The following ROBO1 variants were observed in gnomAD, a reference collection of about 807,000 sequenced individuals.
ROBO1 encodes the protein roundabout homolog 1.
A neutral mutation model predicts 195.9 loss-of-function variants in ROBO1; 149 were observed. The observed-to-expected ratio is 0.76, with a 90% CI of 0.67 to 0.87. ROBO1 has a LOEUF of 0.87. Ranked by LOEUF, ROBO1 falls within the 40% of genes least tolerant of loss-of-function variation. ROBO1 has a pLI of 0.00. For synonymous variants in ROBO1, 816 were observed against 733.2 expected (o/e 1.11, Z -1.82); for missense variants, 1,933 against 2,068.3 (o/e 0.93, Z 1.27).
At chr3:79,458,814 C>T (rs187725090) in intron 2 of ROBO1, among the ~76,000 whole-genome samples, 1 of 151,722 alleles carries the variant, frequency 6.6e-6, no homozygotes, top group Admixed American at 6.6e-5. Flanking sequence ...AGCATCAAAT[C>T]ACACAAATAA....
At chr3:79,199,074 G>A (rs1048992335) in intron 2 of ROBO1, among the ~76,000 whole-genome samples, 3 of 151,902 alleles carry the variant, frequency 2.0e-5, no homozygotes, top group East Asian at 3.9e-4. Context: ...TGTTGAACAG[G>A]AGTGGTGAGA....
At chr3:78,998,131 A>G (rs2077411907) in intron 3 of ROBO1, among the ~76,000 whole-genome samples, 2 of 152,158 alleles carry the variant, frequency 1.3e-5, no homozygotes, top group Non-Finnish European at 2.9e-5. Flanking sequence ...CTAAATCAAT[A>G]GTGTATATTG....
intron 1 of ROBO1, among the ~76,000 whole-genome samples, chr3:79,714,502 T>C (rs1702399419): frequency 6.6e-6 from 1 of 152,058 alleles, no homozygotes; most frequent in African/African-American, 2.4e-5. Flanking sequence ...TTACTGGGTA[T>C]ATACCCAAAG....
At chr3:79,406,896 A>G (rs1490583931) in intron 2 of ROBO1, among the ~76,000 whole-genome samples, 1 of 151,974 alleles carries the variant, frequency 6.6e-6, no homozygotes, top group Non-Finnish European at 1.5e-5. Context: ...ACATGGAATT[A>G]CCAACACATT....
intron 2 of ROBO1, among the ~76,000 whole-genome samples, chr3:79,358,427 T>C (rs1473553362): frequency 2.6e-5 from 4 of 152,046 alleles, no homozygotes; most frequent in Non-Finnish European, 5.9e-5. Flanking sequence ...TAGGAAGACG[T>C]TGATATCCTG....
At chr3:79,576,688 T>G (rs532861854) in intron 2 of ROBO1, among the ~76,000 whole-genome samples, 1 of 152,238 alleles carries the variant, frequency 6.6e-6, no homozygotes, top group East Asian at 1.9e-4. Context: ...GATGATCATA[T>G]ACACACTTGG....
rs550142478 is a variant in ROBO1, at chr3:78,988,498, C to T, written c.173-49571G>A. 2.0e-5 allele frequency among the ~76,000 whole-genome samples: 3 copies of T among 152,252 alleles called. No individual in the cohort carries two copies. In the South Asian group the frequency reaches 6.2e-4, roughly 32 times the overall value. On this transcript the variant is annotated intron_variant, in intron 3 of 30. Transcript: ENST00000464233. Reference sequence around the variant, plus strand: ...AGAAGGCACACTACATTACTTTTATCTCCAGAGACCTTTTATCCCCACCTG... The same window carrying T: ...AGAAGGCACACTACATTACTTTTATTTCCAGAGACCTTTTATCCCCACCTG...
rs1208868771 is a variant in ROBO1, at chr3:78,617,911, T to TGTCGGC, written c.4000_4005dup (p.Ala1334_Asp1335dup). 22 of 1,613,890 alleles carry TGTCGGC rather than the reference T, an allele frequency of 1.4e-5. No individual in the cohort carries two copies. Among genetic ancestry groups the TGTCGGC allele is most frequent in the African/African-American group, 4.0e-5 (3 of 74,932 alleles). On this transcript the variant is annotated inframe_insertion, in exon 27 of 31. Coordinates refer to ENST00000464233, the MANE Select transcript of ROBO1 (RefSeq NM_002941.4). Reference sequence around the variant, plus strand: ...CTGGTTTGCATCTTGGCTACCTCCATGTCGGCTTCGTCTTCTTCCTCTTCT... The same window carrying TGTCGGC: ...CTGGTTTGCATCTTGGCTACCTCCATGTCGGCGTCGGCTTCGTCTTCTTCCTCTTCT...
chr3:79,450,877 T>C (rs1044400911), intron 2 of ROBO1, among the ~76,000 whole-genome samples: 6 of 151,960 alleles, frequency 3.9e-5, no homozygotes, highest in Non-Finnish European at 7.4e-5. Flanking sequence ...ATGAAAATAG[T>C]AATTATTCAG....
chr3:78,943,273 T>C (rs1188051818), intron 3 of ROBO1, among the ~76,000 whole-genome samples: 1 of 152,128 alleles, frequency 6.6e-6, no homozygotes, highest in Non-Finnish European at 1.5e-5. Context: ...TCTAGAGAGA[T>C]GATGTACAGG....
chr3:79,572,058 T>G (rs189277919), intron 2 of ROBO1, among the ~76,000 whole-genome samples: 1 of 152,130 alleles, frequency 6.6e-6, no homozygotes, highest in East Asian at 1.9e-4. Flanking sequence ...AAAAGAAAAA[T>G]TTATTAGTGG....
chr3:78,883,413 A>G (rs1178452954), intron 4 of ROBO1, among the ~76,000 whole-genome samples: 1 of 151,878 alleles, frequency 6.6e-6, no homozygotes, highest in East Asian at 1.9e-4. Context: ...ACAGGCTCTC[A>G]CTCTGTTGCC....
At chr3:78,891,046 A>G (rs144823735) in intron 4 of ROBO1, among the ~76,000 whole-genome samples, 66 of 152,314 alleles carry the variant, frequency 4.3e-4, no homozygotes, top group African/African-American at 1.6e-3. Context: ...ACCCTGAGAA[A>G]TAAAGTTTTA....
rs114180910 is a variant in ROBO1, at chr3:79,655,320, G to A, written c.-50-65359C>T. 7.9e-3 allele frequency among the ~76,000 whole-genome samples: 1,195 copies of A among 151,962 alleles called. 9 individuals carry two copies. The highest frequency in any genetic ancestry group is 0.012 in the Admixed American group (190 of 15,220). On this transcript the variant is annotated intron_variant, in intron 1 of 30. Transcript: ENST00000464233. Reference sequence around the variant, plus strand: ...TTCTGACCATATCAACAGGGACTTCGCTGATACAAATGGCATACCACTGTT... The same window carrying A: ...TTCTGACCATATCAACAGGGACTTCACTGATACAAATGGCATACCACTGTT...
intron 5 of ROBO1, among the ~76,000 whole-genome samples, chr3:78,740,766 C>A (rs1264517542): frequency 6.6e-6 from 1 of 152,074 alleles, no homozygotes; most frequent in Admixed American, 6.6e-5. Context: ...AGCCACCGCG[C>A]CTGGCAAAAG....
chr3:78,834,894 T>C (rs2032567088), intron 4 of ROBO1, among the ~76,000 whole-genome samples: 1 of 152,166 alleles, frequency 6.6e-6, no homozygotes, highest in Non-Finnish European at 1.5e-5. Context: ...ATACTGATTA[T>C]AGACATAAGT....
chr3:78,617,644 C>T lies in ROBO1; in HGVS notation c.4273G>A (p.Asp1425Asn), dbSNP rs1575782658. 3 of 1,609,914 alleles carry T rather than the reference C, an allele frequency of 1.9e-6. 1 individual carries two copies. The East Asian group carries it at 6.7e-5, about 36-fold the overall frequency. ...AAGTGTTAGGACTCACCAGCAGCAT[C>T]CTGCATTTGCCGTCGTGCTACTTTC... ...GLKVARRQMQ[D>N]AAGRRHFHAS... Residue 1425 changes from aspartate (D) to asparagine (N), a missense_variant, in exon 27 of 31, where the codon GAT (aspartate) becomes AAT (asparagine). Physicochemically the swap from Asp to Asn is conservative, Grantham distance 23. This residue lies in a region of ROBO1 where 1,737 missense variants were observed against 1,882.5 expected (regional missense o/e 0.92). Coordinates refer to ENST00000464233, the MANE Select transcript of ROBO1 (RefSeq NM_002941.4).
chr3:79,541,550 T>C (rs770268841), intron 2 of ROBO1, among the ~76,000 whole-genome samples: 28 of 152,056 alleles, frequency 1.8e-4, no homozygotes, highest in African/African-American at 6.3e-4. Context: ...GCATATAAAA[T>C]ATTCCTCCCT....
At chr3:79,079,000 T>C (rs2079223043) in intron 3 of ROBO1, among the ~76,000 whole-genome samples, 1 of 151,754 alleles carries the variant, frequency 6.6e-6, no homozygotes, top group African/African-American at 2.4e-5. Flanking sequence ...TTAGAAATTA[T>C]GGGTATAAAT....
Sources: gnomAD v4.1 joint callset for allele counts (sites outside exome capture counted in the v4.1 genomes callset) on GRCh38, gnomAD v4.1.1 for gene constraint, gnomAD v4.1.1 regional missense constraint, MANE v1.5 for transcripts, NCBI Gene and HGNC (gene_info 2026-07-23, HGNC 2026-07-21) for gene names.